The following LAPTM4B variants were observed in gnomAD, a reference collection of about 807,000 sequenced individuals.
The protein encoded by LAPTM4B is lysosomal-associated transmembrane protein 4B.
In LAPTM4B, 26 loss-of-function variants were observed where a neutral mutation model predicts 28.5. The ratio of observed to expected loss-of-function variants is 0.91; its 90% confidence interval spans 0.67 to 1.27. LAPTM4B has a LOEUF of 1.27. LAPTM4B is among the 50% of genes most tolerant of loss of function. LAPTM4B has a pLI of 0.00. For missense variants in LAPTM4B, 288 were observed against 285.8 expected (o/e 1.01, Z -0.06); for synonymous variants, 109 against 106.4 (o/e 1.02, Z -0.15).
intron 2 of LAPTM4B, among the ~76,000 whole-genome samples, chr8:97,809,542 A>G (rs1816797558): frequency 1.3e-5 from 2 of 152,116 alleles, no homozygotes; most frequent in South Asian, 4.1e-4. Context: ...TCAACCAAAA[A>G]TATAAAAATT....
intron 6 of LAPTM4B, among the ~76,000 whole-genome samples, chr8:97,839,749 T>G (rs149160187): frequency 6.6e-6 from 1 of 152,238 alleles, no homozygotes; most frequent in Non-Finnish European, 1.5e-5. Context: ...ACCATTTTAC[T>G]ATAAAACACA....
Position 97,851,433 on chromosome 8 carries a change from G to C in LAPTM4B, c.640G>C (p.Gly214Arg), listed in dbSNP as rs765269130. ...CCCGTATGATGATGCCACTGTGAAT[G>C]GTGCTGCCAAGGAGCCACCGCCACC... The part of the protein sequence containing the change: ...LPPYDDATVN[G>R]AAKEPPPPYV... The change falls in exon 7 of 7, where the codon GGT (glycine) becomes CGT (arginine). Residue 214 changes from glycine (G) to arginine (R), a missense_variant. Coordinates refer to ENST00000521545, the MANE Select transcript of LAPTM4B (RefSeq NM_018407.6). 4 of 1,614,112 alleles carry C rather than the reference G, an allele frequency of 2.5e-6. No homozygotes were observed. Among genetic ancestry groups the C allele is most frequent in the Admixed American group, 1.7e-5 (1 of 60,012 alleles).
At chr8:97,829,929 T>C (rs1364306039) in intron 6 of LAPTM4B, among the ~76,000 whole-genome samples, 1 of 152,102 alleles carries the variant, frequency 6.6e-6, no homozygotes, top group Non-Finnish European at 1.5e-5. Flanking sequence ...ACTCCTGACC[T>C]CGTGATCCAC....
chr8:97,795,394 A>G (rs746824272), intron 1 of LAPTM4B, among the ~76,000 whole-genome samples: 6 of 152,132 alleles, frequency 3.9e-5, no homozygotes, highest in East Asian at 1.9e-4. Flanking sequence ...CACCTGGCCT[A>G]TTTTTTAAAT....
At chr8:97,812,652 T>C (rs10504979) in intron 2 of LAPTM4B, among the ~76,000 whole-genome samples, 68,678 of 152,048 alleles carry the variant, frequency 0.45, 15,990 homozygotes, top group East Asian at 0.58. Flanking sequence ...TGGAAAGCCA[T>C]GGTTATTGGA....
intron 2 of LAPTM4B, among the ~76,000 whole-genome samples, chr8:97,805,913 A>G (rs1175294399): frequency 1.3e-5 from 2 of 152,168 alleles, no homozygotes; most frequent in Admixed American, 6.5e-5. Flanking sequence ...AAATATGTAC[A>G]GGGATGTGGA....
chr8:97,850,465 GGTGT>G (rs761478917), intron 6 of LAPTM4B, among the ~76,000 whole-genome samples: 1 of 37,834 alleles, frequency 2.6e-5, no homozygotes, highest in South Asian at 4.7e-4. Flanking sequence ...GGAGAGGAGG[GGTGT>G]GTGTGTGTGT....
intron 2 of LAPTM4B, among the ~76,000 whole-genome samples, chr8:97,808,418 A>G (rs553850782): frequency 6.6e-6 from 1 of 151,798 alleles, no homozygotes; most frequent in East Asian, 2.0e-4. Flanking sequence ...ATTGCACTCT[A>G]GCCTGGGTGA....
intron 6 of LAPTM4B, among the ~76,000 whole-genome samples, chr8:97,845,360 A>G (rs76148514): frequency 6.6e-6 from 1 of 150,832 alleles, no homozygotes; most frequent in African/African-American, 2.4e-5. Flanking sequence ...TTTTTTTTAA[A>G]CTTTTACCTA....
chr8:97,829,970 C>G (rs1712793549), intron 6 of LAPTM4B, among the ~76,000 whole-genome samples: 2 of 152,276 alleles, frequency 1.3e-5, no homozygotes, highest in South Asian at 4.1e-4. Flanking sequence ...GCTGGGATTA[C>G]AGGCATGAGC....
At position 97,837,565 on chromosome 8, in the gene LAPTM4B, A is replaced by G. The variant is rs1817281313; in HGVS notation, c.603+12412A>G. On this transcript the variant is annotated intron_variant, in intron 6 of 6. Transcript: ENST00000521545. ...AGTTCTGTTTTTTTTTTCCCTTCATAAAAGTCATAATTAACTTTCCAAAAT... is the reference window on the plus strand; with the variant it reads ...AGTTCTGTTTTTTTTTTCCCTTCATGAAAGTCATAATTAACTTTCCAAAAT... Among the ~76,000 whole-genome samples the G allele has an allele frequency of 8.5e-5, 13 of 152,082 alleles. 1 individual carries two copies. In the South Asian group the frequency reaches 2.7e-3, roughly 32 times the overall value.
chr8:97,793,434 T>C (rs1369654349), intron 1 of LAPTM4B, among the ~76,000 whole-genome samples: 1 of 152,144 alleles, frequency 6.6e-6, no homozygotes, highest in Non-Finnish European at 1.5e-5. Flanking sequence ...CAAATCTGAG[T>C]GATTTTCATT....
intron 5 of LAPTM4B, among the ~76,000 whole-genome samples, chr8:97,822,433 A>G (rs933770456): frequency 1.3e-5 from 2 of 151,556 alleles, no homozygotes; most frequent in South Asian, 2.1e-4. Flanking sequence ...GACTTTTTAA[A>G]TCTTTTAAAC....
intron 1 of LAPTM4B, among the ~76,000 whole-genome samples, chr8:97,793,912 T>G (rs1816543487): frequency 6.6e-6 from 1 of 152,152 alleles, no homozygotes; most frequent in East Asian, 1.9e-4. Flanking sequence ...GCTCAAGAAT[T>G]AACTCTCACC....
intron 6 of LAPTM4B, among the ~76,000 whole-genome samples, chr8:97,849,620 A>G (rs1817488943): frequency 6.6e-6 from 1 of 152,074 alleles, no homozygotes; most frequent in African/African-American, 2.4e-5. Context: ...GGCGGGTGCG[A>G]CTCTGGCGCA....
rs1816200880 is a variant in LAPTM4B, at chr8:97,775,962, A to T, written c.-48A>T. 1 of 1,484,636 alleles carries T rather than the reference A, an allele frequency of 6.7e-7. No individual in the cohort carries two copies. The highest frequency in any genetic ancestry group is 8.9e-7 in the Non-Finnish European group (1 of 1,118,438). 92.0% of individuals were successfully genotyped at this position (1,484,636 alleles called of 1,614,324 possible). On this transcript the variant is annotated 5_prime_UTR_variant, in exon 1 of 7. Coordinates refer to ENST00000521545, the MANE Select transcript of LAPTM4B (RefSeq NM_018407.6). ...CGGCGGGCTCCAGGCGAGGCGGTCG[A>T]CGCTCCTGAAAACTTGCGCGCGCGC...
At chr8:97,830,987 T>C (rs998938969) in intron 6 of LAPTM4B, among the ~76,000 whole-genome samples, 1 of 152,168 alleles carries the variant, frequency 6.6e-6, no homozygotes. Flanking sequence ...GGCTATACCC[T>C]GTGGGTTCTT....
chr8:97,788,809 C>G (rs925402847), intron 1 of LAPTM4B, among the ~76,000 whole-genome samples: 2 of 151,768 alleles, frequency 1.3e-5, no homozygotes, highest in African/African-American at 4.8e-5. Context: ...AATCTTCTGC[C>G]TCAGCCTCCT....
rs754800707 is a variant in LAPTM4B at position 97,780,906 on chromosome 8, CTT to C, written c.99+4800_99+4801del. On this transcript the variant is annotated intron_variant, in intron 1 of 6. Coordinates refer to ENST00000521545, the MANE Select transcript of LAPTM4B (RefSeq NM_018407.6). ...TTTTTAAAATTCTGGGCCACGCTAACTTTGGGAGACTTCAGGTATTTATTCTA... is the reference window on the plus strand; with the variant it reads ...TTTTTAAAATTCTGGGCCACGCTAACTGGGAGACTTCAGGTATTTATTCTA... 1.9e-4 allele frequency among the ~76,000 whole-genome samples: 29 copies of C among 151,904 alleles called. 1 individual carries two copies. The Middle Eastern group carries it at 0.014, about 72-fold the overall frequency.
Sources: allele counts gnomAD v4.1 joint callset (sites outside exome capture counted in the v4.1 genomes callset), GRCh38; gene constraint gnomAD v4.1.1; transcripts MANE v1.5; gene names NCBI Gene and HGNC (gene_info 2026-07-23, HGNC 2026-07-21).